Variants in ROBO2 observed in about 807,000 individuals in gnomAD.
The protein encoded by ROBO2 is roundabout guidance receptor 2.
In ROBO2, 53 loss-of-function variants were observed where a neutral mutation model predicts 160.8. That is an observed-to-expected ratio of 0.33 (90% CI 0.26 to 0.41). ROBO2 has a LOEUF of 0.41. Among genes scored for constraint, ROBO2 ranks in the 10% least tolerant of loss-of-function variants. ROBO2 has a pLI of 1.00. For synonymous variants in ROBO2, 664 were observed against 611.7 expected (o/e 1.09, Z -1.26); for missense variants, 1,577 against 1,722.4 (o/e 0.92, Z 1.49).
At chr3:76,077,857 G>A (rs1410692750) in intron 2 of ROBO2, among the ~76,000 whole-genome samples, 3 of 151,910 alleles carry the variant, frequency 2.0e-5, no homozygotes, top group African/African-American at 7.3e-5. Flanking sequence ...ATTGATTTAA[G>A]GAGACTGTTC....
At chr3:76,479,638 G>T (rs2079108180) in intron 2 of ROBO2, among the ~76,000 whole-genome samples, 1 of 152,128 alleles carries the variant, frequency 6.6e-6, no homozygotes, top group Admixed American at 6.6e-5. Context: ...GAAGATAAAG[G>T]CTTTTATTAC....
Position 76,567,813 on chromosome 3 carries a change from T to A in ROBO2, c.110-530201T>A, listed in dbSNP as rs1191713278. 1.1e-3 allele frequency among the ~76,000 whole-genome samples: 143 copies of A among 130,866 alleles called. 1 individual carries two copies. The highest frequency in any genetic ancestry group is 3.1e-3 in the South Asian group (13 of 4,182). The allele number at this position is 130,866 out of a possible 152,430, so 85.9% of individuals were successfully genotyped here. A position where few individuals can be genotyped will look rare whatever the true frequency, so the allele number is the denominator to read the frequency against. On this transcript the variant is annotated intron_variant, in intron 2 of 26. Coordinates refer to the ROBO2 transcript ENST00000487694. The stretch of plus-strand genomic sequence containing the variant: ...TGTGTGTGTGTATATATATATTTTT[T>A]TTTTTTTTTTGGGGGGGGTTGGACA...
chr3:76,045,671 A>G (rs1180884484), intron 2 of ROBO2, among the ~76,000 whole-genome samples: 2 of 151,964 alleles, frequency 1.3e-5, no homozygotes, highest in Admixed American at 6.5e-5. Context: ...ACTATTTTAG[A>G]ACTGATTATT....
chr3:76,272,210 A>C (rs926248884), intron 2 of ROBO2, among the ~76,000 whole-genome samples: 1 of 152,160 alleles, frequency 6.6e-6, no homozygotes, highest in Non-Finnish European at 1.5e-5. Context: ...GCGCTTGTCA[A>C]GCATTATGAC....
chr3:77,546,340 C>T, exon 7 of ROBO2: 2 of 1,612,862 alleles, frequency 1.2e-6, no homozygotes, highest in Non-Finnish European at 1.7e-6. Context: ...AATTATAGCT[C>T]CCCCACAGTT....
At chr3:76,528,043 A>G (rs144833893) in intron 2 of ROBO2, among the ~76,000 whole-genome samples, 1 of 152,258 alleles carries the variant, frequency 6.6e-6, no homozygotes, top group Non-Finnish European at 1.5e-5. Flanking sequence ...ATAGCTCACC[A>G]TAAGGACCTT....
At chr3:76,398,510 C>A (rs920014464) in intron 2 of ROBO2, among the ~76,000 whole-genome samples, 12 of 151,396 alleles carry the variant, frequency 7.9e-5, no homozygotes, top group Non-Finnish European at 1.6e-4. Context: ...AAAATTCAAG[C>A]TGTATGTATT....
At chr3:77,182,644 G>A (rs1481389991) in intron 2 of ROBO2, among the ~76,000 whole-genome samples, 1 of 151,992 alleles carries the variant, frequency 6.6e-6, no homozygotes, top group Admixed American at 6.6e-5. Context: ...GACCTAGCAG[G>A]CCTAAATGAA....
chr3:76,095,432 AT>A (rs1412466887), intron 2 of ROBO2, among the ~76,000 whole-genome samples: 12 of 152,114 alleles, frequency 7.9e-5, no homozygotes, highest in Non-Finnish European at 1.8e-4. Flanking sequence ...AAAAAATTAA[AT>A]TTGTTACAAA....
chr3:77,279,050 C>T (rs551373749), intron 2 of ROBO2, among the ~76,000 whole-genome samples: 3 of 152,044 alleles, frequency 2.0e-5, no homozygotes, highest in South Asian at 2.1e-4. Context: ...TTCTAGACCT[C>T]GATATTTTAT....
chr3:76,603,342 AAAAAAAAAAATATATATATATATAT>A (rs1389750787), intron 2 of ROBO2, among the ~76,000 whole-genome samples: 3 of 69,328 alleles, frequency 4.3e-5, no homozygotes, highest in Admixed American at 1.5e-4. Flanking sequence ...CAAAAAAAAA[AAAAAAAAAAATATATATATATATAT>A]ATATATATAT....
intron 2 of ROBO2, among the ~76,000 whole-genome samples, chr3:76,630,201 A>G (rs1358819093): frequency 6.6e-6 from 1 of 152,122 alleles, no homozygotes; most frequent in African/African-American, 2.4e-5. Flanking sequence ...GTTTCCTTCC[A>G]CATCACAAAG....
intron 2 of ROBO2, among the ~76,000 whole-genome samples, chr3:76,750,538 T>C (rs1486465150): frequency 1.3e-5 from 2 of 152,126 alleles, no homozygotes; most frequent in South Asian, 2.1e-4. Context: ...GATTGTATAT[T>C]TAGAAAACCC....
intron 2 of ROBO2, among the ~76,000 whole-genome samples, chr3:77,152,663 T>C (rs1450285730): frequency 6.6e-6 from 1 of 152,254 alleles, no homozygotes; most frequent in Non-Finnish European, 1.5e-5. Flanking sequence ...AGTTACTGGA[T>C]GCACATTAAA....
chr3:75,950,660 T>A (rs1298058054), intron 2 of ROBO2, among the ~76,000 whole-genome samples: 1 of 152,014 alleles, frequency 6.6e-6, no homozygotes, highest in East Asian at 1.9e-4. Context: ...ACAAATTGAT[T>A]CCAGTTGGGG....
chr3:76,264,547 T>TA (rs1706980311), intron 2 of ROBO2, among the ~76,000 whole-genome samples: 1 of 152,186 alleles, frequency 6.6e-6, no homozygotes, highest in South Asian at 2.1e-4. Flanking sequence ...TGGATGCAGT[T>TA]AGACTTTTTG....
intron 2 of ROBO2, among the ~76,000 whole-genome samples, chr3:76,105,694 G>T (rs569112484): frequency 6.6e-6 from 1 of 152,032 alleles, no homozygotes; most frequent in Non-Finnish European, 1.5e-5. Context: ...TAACCTACAC[G>T]TTCATTAGAA....
chr3:76,990,728 C>G (rs72902048), intron 2 of ROBO2, among the ~76,000 whole-genome samples: 9 of 152,286 alleles, frequency 5.9e-5, no homozygotes, highest in African/African-American at 2.2e-4. Context: ...AAACCTGAAA[C>G]TGGTGATCAG....
chr3:77,387,755 T>A (rs574769133), intron 2 of ROBO2, among the ~76,000 whole-genome samples: 1 of 152,310 alleles, frequency 6.6e-6, no homozygotes, highest in East Asian at 1.9e-4. Context: ...TACTCTATGT[T>A]CATCTTATCT....
Sources: allele counts gnomAD v4.1 joint callset (sites outside exome capture counted in the v4.1 genomes callset), GRCh38; gene constraint gnomAD v4.1.1; transcripts MANE v1.5; gene names NCBI Gene and HGNC (gene_info 2026-07-23, HGNC 2026-07-21).